Variants in SV2B observed in about 807,000 individuals in gnomAD.
SV2B encodes the protein synaptic vesicle glycoprotein 2B.
Under a neutral mutation model 73.9 loss-of-function variants are expected in SV2B, and 41 were observed. The observed-to-expected ratio is 0.56, with a 90% CI of 0.43 to 0.72. The LOEUF is 0.72. Among genes scored for constraint, SV2B ranks in the 30% least tolerant of loss-of-function variants. The pLI is 0.00. For missense variants in SV2B, 764 were observed against 857.8 expected (o/e 0.89, Z 1.37); for synonymous variants, 314 against 314.2 (o/e 1.00, Z 0.01).
intron 1 of SV2B, among the ~76,000 whole-genome samples, chr15:91,117,316 A>T (rs1363992192): frequency 6.6e-6 from 1 of 152,246 alleles, no homozygotes; most frequent in Non-Finnish European, 1.5e-5. Flanking sequence ...CACACTTGTT[A>T]AAAGGAATGA....
chr15:91,208,346 G>A (rs1331266691), intron 1 of SV2B, among the ~76,000 whole-genome samples: 7 of 152,084 alleles, frequency 4.6e-5, no homozygotes, highest in African/African-American at 9.7e-5. Context: ...TCATTGCTTT[G>A]TGATTTATGA....
rs1596440560 is a variant in SV2B, at chr15:91,121,974, C to T, written c.-392+21611C>T. On this transcript the variant is annotated intron_variant, in intron 1 of 12. Transcript: ENST00000394232. The surrounding 1 kb of genome is among the most constrained non-coding windows in gnomAD (Gnocchi z 4.4). Reference sequence around the variant, plus strand: ...TATTTTTAGTAGAGACGGGGTTTCACCATGTTAGCCAGGATGGTCTCGATC... The same window carrying T: ...TATTTTTAGTAGAGACGGGGTTTCATCATGTTAGCCAGGATGGTCTCGATC... Among the ~76,000 whole-genome samples the T allele has an allele frequency of 6.6e-6, 1 of 152,200 alleles. No homozygotes were observed. Among genetic ancestry groups the T allele is most frequent in the East Asian group, 1.9e-4 (1 of 5,176 alleles).
rs147211730 is a variant in SV2B at position 91,275,629 on chromosome 15, A to G, written c.1374-6099A>G. 1.5e-3 allele frequency among the ~76,000 whole-genome samples: 229 copies of G among 152,332 alleles called. 1 individual carries two copies. The highest frequency in any genetic ancestry group is 5.1e-3 in the African/African-American group (211 of 41,586). On this transcript the variant is annotated intron_variant, in intron 9 of 12. Transcript: ENST00000394232. ...TGCCTGAGCTCAGGAGTTCGAGACCAGCTTGGGCAACATGGTAAAACCTTG... is the reference window on the plus strand; with the variant it reads ...TGCCTGAGCTCAGGAGTTCGAGACCGGCTTGGGCAACATGGTAAAACCTTG...
rs1265328666 is a variant in SV2B, at chr15:91,141,016, C to A, written c.-392+40653C>A. Among the ~76,000 whole-genome samples the A allele has an allele frequency of 6.6e-6, 1 of 152,188 alleles. No homozygotes were observed. Among genetic ancestry groups the A allele is most frequent in the African/African-American group, 2.4e-5 (1 of 41,440 alleles). ...AATAGAACTATTTTCATGATGGAAGCCAGAAGTGCTACAAGCACTCAGGTG... is the reference window on the plus strand; with the variant it reads ...AATAGAACTATTTTCATGATGGAAGACAGAAGTGCTACAAGCACTCAGGTG... On this transcript the variant is annotated intron_variant, in intron 1 of 12. Coordinates refer to ENST00000394232, the MANE Select transcript of SV2B (RefSeq NM_001323032.3). The surrounding 1 kb of genome is among the most constrained non-coding windows in gnomAD (Gnocchi z 4.6).
chr15:91,208,669 A>AAATTC (rs1221340363), intron 1 of SV2B, among the ~76,000 whole-genome samples: 3 of 152,214 alleles, frequency 2.0e-5, no homozygotes, highest in African/African-American at 7.2e-5. Context: ...GTCTTCTCAA[A>AAATTC]AATTCATCTT....
chr15:91,238,415 A>G (rs1241515427), intron 2 of SV2B, among the ~76,000 whole-genome samples: 2 of 152,258 alleles, frequency 1.3e-5, no homozygotes, highest in African/African-American at 4.8e-5. Flanking sequence ...TGACAGATCT[A>G]GGATTTCAAA....
Position 91,135,960 on chromosome 15 carries a change from A to G in SV2B, c.-392+35597A>G, listed in dbSNP as rs143171013. On this transcript the variant is annotated intron_variant, in intron 1 of 12. Coordinates refer to ENST00000394232, the MANE Select transcript of SV2B (RefSeq NM_001323032.3). ...TTAGCCTTCACCTTGCAGGAGGGCA[A>G]GAGAACCACACGATTGCAGCTTTCT... 3.0e-4 allele frequency among the ~76,000 whole-genome samples: 46 copies of G among 152,344 alleles called. No individual in the cohort carries two copies. The East Asian group carries it at 6.8e-3, about 22-fold the overall frequency.
chr15:91,138,807 C>T (rs539429761), intron 1 of SV2B, among the ~76,000 whole-genome samples: 1 of 152,204 alleles, frequency 6.6e-6, no homozygotes, highest in East Asian at 1.9e-4. Flanking sequence ...AGTCCTAGAA[C>T]CAATCCCTCA....
rs1299038110 is a variant in SV2B at position 91,245,001 on chromosome 15, GTTTA to G, written c.452-6814_452-6811del. Among the ~76,000 whole-genome samples the G allele has an allele frequency of 6.6e-6, 1 of 152,200 alleles. No homozygotes were observed. The highest frequency in any genetic ancestry group is 1.5e-5 in the Non-Finnish European group (1 of 68,040). On this transcript the variant is annotated intron_variant, in intron 2 of 12. Coordinates refer to ENST00000394232, the MANE Select transcript of SV2B (RefSeq NM_001323032.3). This position sits in a 1 kb window ranked among gnomAD's most constrained non-coding sequence, Gnocchi z 4.2. ...TCAAGCAAGAAAAAGGTTAGAAGTG[GTTTA>G]TTTGTCTTTGGTTAATTGCTAAATA... is the stretch of plus-strand genomic sequence containing the variant.
Position 91,268,294 on chromosome 15 carries a change from G to A in SV2B, c.1209-147G>A, listed in dbSNP as rs1184238898. 5.1e-6 allele frequency: 4 copies of A among 780,384 alleles called. No individual in the cohort carries two copies. The highest frequency in any genetic ancestry group is 5.8e-6 in the Non-Finnish European group (3 of 514,898). 48.3% of individuals were successfully genotyped at this position (780,384 alleles called of 1,614,324 possible). A position where few individuals can be genotyped will look rare whatever the true frequency, so the allele number is the denominator to read the frequency against. On this transcript the variant is annotated intron_variant, in intron 8 of 12. Transcript: ENST00000394232. This position sits in a 1 kb window ranked among gnomAD's most constrained non-coding sequence, Gnocchi z 4.4. The stretch of plus-strand genomic sequence containing the variant: ...GTTTTCCCCTTGTATTTATTAATAT[G>A]AGGATTTATATTGTCAGATTTTCTA...
At position 91,298,310 on chromosome 15, in the gene SV2B, T is replaced by A. The variant is rs2049322303; in HGVS notation, c.*5758T>A. The A allele has an allele frequency of 6.6e-6, 1 of 152,262 alleles. No homozygotes were observed. Among genetic ancestry groups the A allele is most frequent in the African/African-American group, 2.4e-5 (1 of 41,464 alleles). 9.4% of individuals were successfully genotyped at this position (152,262 alleles called of 1,614,324 possible). ...CTGTCCAAAACATTGTGCTTTTGCA[T>A]GTAGCTGTGTCGCATTTAGGCCCAG... On this transcript the variant is annotated 3_prime_UTR_variant, in exon 13 of 13. Transcript: ENST00000394232. This position sits in a 1 kb window ranked among gnomAD's most constrained non-coding sequence, Gnocchi z 5.4.
At position 91,136,452 on chromosome 15, in the gene SV2B, G is replaced by A. The variant is rs574857174; in HGVS notation, c.-392+36089G>A. ...TTTACCCGTGCCCATCCAGCTAGTG[G>A]AGAACCAGTGGGAAGGCCCATGCGT... On this transcript the variant is annotated intron_variant, in intron 1 of 12. Coordinates refer to ENST00000394232, the MANE Select transcript of SV2B (RefSeq NM_001323032.3). This position sits in a 1 kb window ranked among gnomAD's most constrained non-coding sequence, Gnocchi z 5.6. 2.0e-5 allele frequency among the ~76,000 whole-genome samples: 3 copies of A among 152,312 alleles called. No homozygotes were observed. The highest frequency in any genetic ancestry group is 3.9e-4 in the East Asian group (2 of 5,184).
intron 1 of SV2B, among the ~76,000 whole-genome samples, chr15:91,153,731 G>T (rs1321389683): frequency 6.6e-6 from 1 of 151,736 alleles, no homozygotes; most frequent in Non-Finnish European, 1.5e-5. Context: ...AAGTCAAGCT[G>T]ACTGCTGAGG....
At position 91,121,738 on chromosome 15, in the gene SV2B, C is replaced by T. The variant is rs115349195; in HGVS notation, c.-392+21375C>T. Among the ~76,000 whole-genome samples the T allele has an allele frequency of 3.4e-3, 511 of 150,110 alleles. 3 individuals carry two copies. Among genetic ancestry groups the T allele is most frequent in the African/African-American group, 0.012 (462 of 39,766 alleles). ...CTTTACACCACTCCTTTCCCCTTCG[C>T]GCTCACCTCAAGAAACCATCTATTT... is the stretch of plus-strand genomic sequence containing the variant. On this transcript the variant is annotated intron_variant, in intron 1 of 12. Coordinates refer to ENST00000394232, the MANE Select transcript of SV2B (RefSeq NM_001323032.3). The surrounding 1 kb of genome is among the most constrained non-coding windows in gnomAD (Gnocchi z 4.4).
chr15:91,254,234 CTTT>C (rs201841298), intron 4 of SV2B, among the ~76,000 whole-genome samples: 2 of 127,296 alleles, frequency 1.6e-5, no homozygotes, highest in South Asian at 2.5e-4. Flanking sequence ...ATTTTCACTT[CTTT>C]TTTTTTTTTT....
At chr15:91,170,127 T>C (rs1025729688) in intron 1 of SV2B, among the ~76,000 whole-genome samples, 2 of 152,222 alleles carry the variant, frequency 1.3e-5, no homozygotes, top group African/African-American at 4.8e-5. Context: ...TCCGTATTTT[T>C]TTAAAGACCT....
chr15:91,251,634 A>G (rs971279083), intron 2 of SV2B, among the ~76,000 whole-genome samples, 185 bp from the exon 3 acceptor site: 7 of 152,262 alleles, frequency 4.6e-5, no homozygotes, highest in African/African-American at 1.7e-4. Flanking sequence ...TTAAGATAAA[A>G]TTTGTAAAAA....
In SV2B at chr15:91,298,142, G is replaced by C. The variant is rs536975518; in HGVS notation, c.*5590G>C. 1 of 152,190 alleles carries C rather than the reference G, an allele frequency of 6.6e-6. No individual in the cohort carries two copies. Among genetic ancestry groups the C allele is most frequent in the East Asian group, 1.9e-4 (1 of 5,184 alleles). 9.4% of individuals were successfully genotyped at this position (152,190 alleles called of 1,614,324 possible). A position where few individuals can be genotyped will look rare whatever the true frequency, so the allele number is the denominator to read the frequency against. Reference sequence around the variant, plus strand: ...AAATGTCTCCCGAAAAGGATGAAAAGCCTCCTCCTTTAGACAAGGAAGACA... The same window carrying C: ...AAATGTCTCCCGAAAAGGATGAAAACCCTCCTCCTTTAGACAAGGAAGACA... On this transcript the variant is annotated 3_prime_UTR_variant, in exon 13 of 13. Transcript: ENST00000394232. The surrounding 1 kb of genome is among the most constrained non-coding windows in gnomAD (Gnocchi z 5.4).
chr15:91,195,522 G>A (rs2045214363), intron 1 of SV2B, among the ~76,000 whole-genome samples: 1 of 152,140 alleles, frequency 6.6e-6, no homozygotes, highest in Admixed American at 6.5e-5. Context: ...ATTTTACCTG[G>A]GTTGATGCAA....
Sources: gnomAD v4.1 joint callset for allele counts (sites outside exome capture counted in the v4.1 genomes callset) on GRCh38, gnomAD v4.1.1 for gene constraint, Gnocchi (gnomAD v3.1) non-coding constraint, MANE v1.5 for transcripts, NCBI Gene and HGNC (gene_info 2026-07-23, HGNC 2026-07-21) for gene names.